SGCD: variants seen among roughly 807,000 people sequenced by gnomAD.
SGCD encodes the protein delta-sarcoglycan.
SGCD carries 18 observed loss-of-function variants against 36.6 expected under a neutral mutation model. The observed-to-expected ratio is 0.49, with a 90% confidence interval of 0.34 to 0.73. The LOEUF is 0.73. SGCD is among the 30% of genes least tolerant of loss of function. The probability of loss-of-function intolerance (pLI) is 0.01; values close to 1 mark genes in which losing one functional copy is unlikely to be tolerated. For missense variants in SGCD, 387 were observed against 346.7 expected (o/e 1.12, Z -0.92); for synonymous variants, 133 against 130.6 (o/e 1.02, Z -0.12).
chr5:156,123,202 C>T (rs1207730811), intron 2 of SGCD, among the ~76,000 whole-genome samples: 1 of 152,074 alleles, frequency 6.6e-6, no homozygotes, highest in Admixed American at 6.6e-5. Flanking sequence ...ATATCTGGGC[C>T]TGGAGACAAA....
intron 4 of SGCD, among the ~76,000 whole-genome samples, chr5:156,561,017 C>T (rs1315576493): frequency 2.0e-5 from 3 of 152,118 alleles, no homozygotes; most frequent in Non-Finnish European, 4.4e-5. Flanking sequence ...CATTGACATT[C>T]AGTAACCTCA....
At chr5:156,372,352 T>C (rs1770428760) in intron 3 of SGCD, among the ~76,000 whole-genome samples, 2 of 152,324 alleles carry the variant, frequency 1.3e-5, no homozygotes, top group East Asian at 3.9e-4. Context: ...AGATATGTGA[T>C]GCAATAAGAG....
At chr5:156,184,905 A>C (rs905515729) in intron 3 of SGCD, among the ~76,000 whole-genome samples, 13 of 152,132 alleles carry the variant, frequency 8.5e-5, no homozygotes, top group Non-Finnish European at 1.3e-4. Flanking sequence ...TATATTATTT[A>C]TCTGGAGCAG....
chr5:155,923,920 A>C (rs1222768796), intron 1 of SGCD, among the ~76,000 whole-genome samples: 1 of 152,194 alleles, frequency 6.6e-6, no homozygotes. Flanking sequence ...GTCAATTTAG[A>C]GTTCCCACAC....
chr5:156,679,304 T>C (rs1753634445), intron 7 of SGCD, among the ~76,000 whole-genome samples: 1 of 152,198 alleles, frequency 6.6e-6, no homozygotes, highest in African/African-American at 2.4e-5. Flanking sequence ...ATTACCTGTG[T>C]TTAAATTAGA....
intron 4 of SGCD, among the ~76,000 whole-genome samples, chr5:156,580,318 C>T (rs1207983395): frequency 1.3e-5 from 2 of 152,156 alleles, no homozygotes; most frequent in African/African-American, 2.4e-5. Flanking sequence ...TGTGGGTAAC[C>T]CAACCGTTCT....
At chr5:155,785,775 G>A in the SGCD span, among the ~76,000 whole-genome samples, 2 of 152,108 alleles carry the variant, frequency 1.3e-5, no homozygotes, top group Admixed American at 1.3e-4. Flanking sequence ...AAAATACCCT[G>A]CTAGTACTTT....
At chr5:155,983,909 CT>C (rs1454976036) in intron 1 of SGCD, among the ~76,000 whole-genome samples, 1 of 152,140 alleles carries the variant, frequency 6.6e-6, no homozygotes, top group East Asian at 1.9e-4. Flanking sequence ...TGACATCCCC[CT>C]AATCTTGTCC....
chr5:156,238,317 G>A (rs147424249), intron 3 of SGCD, among the ~76,000 whole-genome samples: 4 of 152,256 alleles, frequency 2.6e-5, no homozygotes, highest in African/African-American at 9.6e-5. Context: ...TAAAGTAATA[G>A]AACCTGCAGT....
intron 7 of SGCD, among the ~76,000 whole-genome samples, chr5:156,713,507 G>A (rs1311964242): frequency 6.6e-6 from 1 of 152,124 alleles, no homozygotes; most frequent in Admixed American, 6.5e-5. Flanking sequence ...CTCTCAGAAG[G>A]AACAGACAGG....
At chr5:155,907,564 G>A (rs1756545658) in intron 1 of SGCD, among the ~76,000 whole-genome samples, 1 of 152,066 alleles carries the variant, frequency 6.6e-6, no homozygotes, top group Non-Finnish European at 1.5e-5. Flanking sequence ...TGACTTTGAG[G>A]AGTTTAAGAC....
At chr5:156,032,104 C>G (rs116824340) in intron 1 of SGCD, among the ~76,000 whole-genome samples, 80 of 151,708 alleles carry the variant, frequency 5.3e-4, no homozygotes, top group African/African-American at 1.8e-3. Flanking sequence ...GTGTATAGAT[C>G]ACACTATATG....
chr5:156,368,617 AT>A (rs1375587083), intron 3 of SGCD, among the ~76,000 whole-genome samples: 1 of 152,066 alleles, frequency 6.6e-6, no homozygotes, highest in African/African-American at 2.4e-5. Flanking sequence ...CTTCATCTGT[AT>A]TTACAGCCAC....
At chr5:156,427,262 A>T (rs556518394) in intron 3 of SGCD, among the ~76,000 whole-genome samples, 1 of 152,052 alleles carries the variant, frequency 6.6e-6, no homozygotes, top group Non-Finnish European at 1.5e-5. Flanking sequence ...CTGTCACCTC[A>T]TTGGTTAAGT....
At chr5:156,198,536 AC>A (rs1214638050) in intron 3 of SGCD, among the ~76,000 whole-genome samples, 2 of 152,078 alleles carry the variant, frequency 1.3e-5, no homozygotes, top group African/African-American at 4.8e-5. Context: ...GAGTAGTTGG[AC>A]TGGGATTTGT....
At chr5:156,132,456 G>GTATTTTTTTTT (rs1561532851) in intron 3 of SGCD, among the ~76,000 whole-genome samples, 2 of 73,586 alleles carry the variant, frequency 2.7e-5, no homozygotes, top group Non-Finnish European at 5.4e-5. Flanking sequence ...AACTTACCAA[G>GTATTTTTTTTT]TCTTTTTTTT....
chr5:156,743,178 C>G (rs2113097420), intron 7 of SGCD, among the ~76,000 whole-genome samples: 1 of 149,110 alleles, frequency 6.7e-6, no homozygotes, highest in Non-Finnish European at 1.5e-5. Flanking sequence ...GTGGCACAAT[C>G]TCGGCTCACT....
At chr5:156,196,797 A>G (rs1764034114) in intron 3 of SGCD, among the ~76,000 whole-genome samples, 1 of 152,216 alleles carries the variant, frequency 6.6e-6, no homozygotes, top group Admixed American at 6.5e-5. Context: ...AATCCAACAC[A>G]TATTTTAGTT....
chr5:156,593,784 T>C (rs1293259903), intron 5 of SGCD, among the ~76,000 whole-genome samples: 1 of 152,214 alleles, frequency 6.6e-6, no homozygotes, highest in East Asian at 1.9e-4. Flanking sequence ...TAGTGGTCTT[T>C]GGCTGGAAGG....
Sources: gnomAD v4.1 joint callset for allele counts (sites outside exome capture counted in the v4.1 genomes callset) on GRCh38, gnomAD v4.1.1 for gene constraint, MANE v1.5 for transcripts, NCBI Gene and HGNC (gene_info 2026-07-23, HGNC 2026-07-21) for gene names.